CSNK2A1: variants seen among roughly 807,000 people sequenced by gnomAD.
The protein encoded by CSNK2A1 is casein kinase II subunit alpha.
CSNK2A1 carries 10 observed loss-of-function variants against 62.9 expected under a neutral mutation model. The ratio of observed to expected loss-of-function variants is 0.16; its 90% CI spans 0.10 to 0.27. The LOEUF (loss-of-function observed/expected upper bound fraction) is 0.27, where lower values mean the gene tolerates loss of function less well. Ranked by LOEUF, CSNK2A1 falls within the 10% of genes least tolerant of loss-of-function variation. CSNK2A1 has a pLI of 1.00. For synonymous variants in CSNK2A1, 124 were observed against 167.8 expected, an observed-to-expected ratio of 0.74 and a Z score of 2.02; for missense variants, 160 against 492.0, an observed-to-expected ratio of 0.33 and a Z score of 6.38.
At chr20:489,699 C>T (rs987548757) in intron 10 of CSNK2A1, 81 bp downstream of exon 10, 61 of 1,173,434 alleles carry the variant, frequency 5.2e-5, no homozygotes, top group Non-Finnish European at 6.8e-5. Flanking sequence ...GCTGAATAAA[C>T]AGTGAACTGA....
At chr20:525,712 C>T (rs148898821) in intron 2 of CSNK2A1, among the ~76,000 whole-genome samples, 208 of 149,692 alleles carry the variant, frequency 1.4e-3, no homozygotes, top group African/African-American at 4.8e-3. Context: ...GTGGCTAATG[C>T]CTGTAATCCC....
intron 1 of CSNK2A1, among the ~76,000 whole-genome samples, chr20:542,276 C>T (rs550957169): frequency 6.6e-6 from 1 of 152,156 alleles, no homozygotes; most frequent in Admixed American, 6.5e-5. Context: ...CTTTTACAGA[C>T]GGGAAAACTG....
chr20:508,033 T>C (rs2018641447), intron 3 of CSNK2A1: 1 of 157,066 alleles, frequency 6.4e-6, no homozygotes, highest in South Asian at 1.9e-4. Flanking sequence ...AACACAATGG[T>C]ATTTGTGTAT....
chr20:533,091 T>C (rs1450405020), intron 1 of CSNK2A1, among the ~76,000 whole-genome samples: 1 of 152,212 alleles, frequency 6.6e-6, no homozygotes, highest in Non-Finnish European at 1.5e-5. Flanking sequence ...AGTAGTGTTT[T>C]TGTTTTTTCA....
intron 9 of CSNK2A1, among the ~76,000 whole-genome samples, chr20:490,113 C>A (rs2018185723): frequency 6.6e-6 from 1 of 150,696 alleles, no homozygotes; most frequent in Non-Finnish European, 1.5e-5. Flanking sequence ...CTCACCACAA[C>A]CTCCGCCTCC....
intron 4 of CSNK2A1, chr20:503,741 C>T (rs2018516613): frequency 2.5e-6 from 1 of 398,336 alleles, no homozygotes; most frequent in Admixed American, 4.4e-5. Context: ...GGTGTCCAAC[C>T]AATGACAACA....
intron 10 of CSNK2A1, chr20:489,468 A>G (rs1486058929): frequency 5.2e-6 from 2 of 385,990 alleles, no homozygotes; most frequent in Non-Finnish European, 9.2e-6. Flanking sequence ...GAAATACCAC[A>G]TATGGGCTCA....
At chr20:528,501 G>T (rs1465890910) in intron 1 of CSNK2A1, among the ~76,000 whole-genome samples, 1 of 152,120 alleles carries the variant, frequency 6.6e-6, no homozygotes, top group Non-Finnish European at 1.5e-5. Flanking sequence ...CTGCAGCCTT[G>T]ACCTCCCAGG....
intron 1 of CSNK2A1, among the ~76,000 whole-genome samples, chr20:541,463 A>G (rs1222397417): frequency 6.6e-6 from 1 of 152,216 alleles, no homozygotes; most frequent in Non-Finnish European, 1.5e-5. Context: ...AAAGATGTAT[A>G]TATTTTACTT....
At chr20:500,210 A>G (rs1015321172) in intron 4 of CSNK2A1, 1 of 358,808 alleles carries the variant, frequency 2.8e-6, no homozygotes, top group African/African-American at 2.0e-5. Context: ...CTTGATGTTA[A>G]TGTTTTAAAA....
chr20:490,379 G>T (rs1600373374), intron 9 of CSNK2A1, among the ~76,000 whole-genome samples: 4 of 73,602 alleles, frequency 5.4e-5, no homozygotes, highest in African/African-American at 5.6e-5. Flanking sequence ...TTTCTTTTAT[G>T]CATCTTTCAC....
rs1019563407 is a variant in CSNK2A1, at chr20:543,683, G to C, written c.-238C>G. 1 of 398,280 alleles carries C rather than the reference G, an allele frequency of 2.5e-6. No individual in the cohort carries two copies. Among genetic ancestry groups the C allele is most frequent in the Admixed American group, 4.4e-5 (1 of 22,742 alleles). The allele number at this position is 398,280 out of a possible 1,614,324, so 24.7% of individuals were successfully genotyped here. On this transcript the variant is annotated 5_prime_UTR_variant, in exon 1 of 14. Transcript: ENST00000217244. The stretch of plus-strand genomic sequence containing the variant: ...TGCTCCCTAGGTACCTGTGGTGGAA[G>C]CGGCAGCGGCGGCGGCCGCTCTCCC...
rs2017803402 is a variant in CSNK2A1, at chr20:474,069, T to TAAAA, written c.*9891_*9892insTTTT. 1 of 152,196 alleles carries TAAAA rather than the reference T, an allele frequency of 6.6e-6. No individual in the cohort carries two copies. Among genetic ancestry groups the TAAAA allele is most frequent in the Non-Finnish European group, 1.5e-5 (1 of 68,048 alleles). The allele number at this position is 152,196 out of a possible 1,614,324, so 9.4% of individuals were successfully genotyped here. ...CTGAGATAAAATTTATTTATTATTT[T>TAAAA]TAAGAGAGAGGTTCTCACTCTGTCA... is the stretch of plus-strand genomic sequence containing the variant. On this transcript the variant is annotated 3_prime_UTR_variant, in exon 14 of 14. Transcript: ENST00000217244.
chr20:526,985 AAGAGAGAGAGACAGACAGAGAG>A (rs1441668320), intron 2 of CSNK2A1: 8 of 89,996 alleles, frequency 8.9e-5, no homozygotes, highest in Admixed American at 2.2e-4. Flanking sequence ...GAGAGAGAGA[AAGAGAGAGAGACAGACAGAGAG>A]AGAGAGAGAG....
chr20:495,868 TCCATGTAA>T, intron 7 of CSNK2A1, 66 bp from the exon 8 acceptor site: 1 of 1,423,964 alleles, frequency 7.0e-7, no homozygotes, highest in Non-Finnish European at 9.9e-7. Flanking sequence ...TACTTTTCCC[TCCATGTAA>T]ATTTTCCTTT....
Position 474,365 on chromosome 20 carries a change from T to C in CSNK2A1, c.*9596A>G, listed in dbSNP as rs73569022. ...ATATTTATTTTTGAAAGATCTTTGGTTGCAGGTGTCAGATGAATCAGGAAT... is the reference window on the plus strand; with the variant it reads ...ATATTTATTTTTGAAAGATCTTTGGCTGCAGGTGTCAGATGAATCAGGAAT... On this transcript the variant is annotated 3_prime_UTR_variant, in exon 14 of 14. Transcript: ENST00000217244. 0.078 allele frequency: 11,879 copies of C among 152,160 alleles called. 502 individuals are homozygous for C. The highest frequency in any genetic ancestry group is 0.14 in the South Asian group (666 of 4,820). 9.4% of individuals were successfully genotyped at this position (152,160 alleles called of 1,614,324 possible).
At chr20:538,120 A>G (rs775379939) in intron 1 of CSNK2A1, among the ~76,000 whole-genome samples, 67 of 152,146 alleles carry the variant, frequency 4.4e-4, no homozygotes, top group Admixed American at 1.4e-3. Flanking sequence ...CTCCACACTC[A>G]GCTAATTTTA....
intron 10 of CSNK2A1, chr20:488,990 T>G: frequency 2.3e-6 from 1 of 430,462 alleles, no homozygotes. Context: ...GTCACCCTGG[T>G]GAACCCTTAT....
At chr20:525,426 G>A (rs955293250) in intron 2 of CSNK2A1, among the ~76,000 whole-genome samples, 12 of 151,204 alleles carry the variant, frequency 7.9e-5, no homozygotes, top group Non-Finnish European at 1.5e-4. Context: ...GCTGAGGCGG[G>A]CGGATCACGA....
Sources: allele counts gnomAD v4.1 joint callset (sites outside exome capture counted in the v4.1 genomes callset), GRCh38; gene constraint gnomAD v4.1.1; transcripts MANE v1.5; gene names NCBI Gene and HGNC (gene_info 2026-07-23, HGNC 2026-07-21).